DCUN1D4: variants seen among roughly 807,000 people sequenced by gnomAD.
DCUN1D4 encodes the protein DCN1-like protein 4.
DCUN1D4 carries 22 observed loss-of-function variants against 47.9 expected under a neutral mutation model. The ratio of observed to expected loss-of-function variants is 0.46; its 90% CI spans 0.33 to 0.66. DCUN1D4 has a LOEUF of 0.66. Among genes scored for constraint, DCUN1D4 ranks in the 30% least tolerant of loss-of-function variants. DCUN1D4 has a pLI of 0.02. For missense variants in DCUN1D4, 301 were observed against 340.8 expected, an observed-to-expected ratio of 0.88 and a Z score of 0.92; for synonymous variants, 121 against 112.2, an observed-to-expected ratio of 1.08 and a Z score of -0.50.
At chr4:51,890,515 T>C (rs759671947) in intron 6 of DCUN1D4, among the ~76,000 whole-genome samples, 4 of 152,226 alleles carry the variant, frequency 2.6e-5, no homozygotes, top group Non-Finnish European at 4.4e-5. Context: ...AGTGTATACC[T>C]GATCCCTAAT....
intron 8 of DCUN1D4, among the ~76,000 whole-genome samples, chr4:51,902,857 T>C (rs1260255761): frequency 1.3e-5 from 2 of 152,066 alleles, no homozygotes; most frequent in Non-Finnish European, 1.5e-5. Flanking sequence ...CCTTATTAAC[T>C]TTTTTTTCCT....
At chr4:51,896,277 T>C (rs1420780185) in intron 7 of DCUN1D4, among the ~76,000 whole-genome samples, 2 of 152,228 alleles carry the variant, frequency 1.3e-5, no homozygotes, top group Non-Finnish European at 2.9e-5. Context: ...TTGGGCTTGC[T>C]CCCAGGCATG....
At chr4:51,908,556 C>G (rs1397780595) in intron 8 of DCUN1D4, among the ~76,000 whole-genome samples, 1 of 151,714 alleles carries the variant, frequency 6.6e-6, no homozygotes, top group African/African-American at 2.4e-5. Flanking sequence ...TTACAAAGAG[C>G]TTTTGGATGT....
At chr4:51,883,027 T>G (rs1388851051) in intron 5 of DCUN1D4, among the ~76,000 whole-genome samples, 1 of 152,158 alleles carries the variant, frequency 6.6e-6, no homozygotes, top group Non-Finnish European at 1.5e-5. Context: ...CCTAAATACT[T>G]TAGTAGAATG....
upstream of DCUN1D4, among the ~76,000 whole-genome samples, chr4:51,839,495 A>T (rs1721578655): frequency 6.6e-6 from 1 of 152,202 alleles, no homozygotes; most frequent in South Asian, 2.1e-4. Context: ...AGGAAGCATT[A>T]AGAAAGAAGT....
intron 8 of DCUN1D4, among the ~76,000 whole-genome samples, chr4:51,904,221 T>C (rs1732538544): frequency 6.6e-6 from 1 of 152,186 alleles, no homozygotes; most frequent in African/African-American, 2.4e-5. Context: ...TTGGCCCCAC[T>C]ACTAAGGCAA....
At chr4:51,853,418 A>T (rs1482138397) in intron 1 of DCUN1D4, among the ~76,000 whole-genome samples, 2 of 152,090 alleles carry the variant, frequency 1.3e-5, no homozygotes, top group Non-Finnish European at 2.9e-5. Context: ...GCTACTTTCA[A>T]TTCTTTTGGT....
At chr4:51,843,018 G>C (rs1721839891), upstream of DCUN1D4, 3 of 1,342,864 alleles carry the variant, frequency 2.2e-6, no homozygotes, top group Non-Finnish European at 1.9e-6. Flanking sequence ...GCGGGGCCTC[G>C]TTGCCAGCTC....
chr4:51,891,695 T>G, intron 6 of DCUN1D4, 65 bp from the exon 7 acceptor site: 3 of 1,269,906 alleles, frequency 2.4e-6, no homozygotes, highest in Non-Finnish European at 3.3e-6. Flanking sequence ...ATGACAGATC[T>G]ATTTGTTTTT....
chr4:51,844,426 C>T, intron 1 of DCUN1D4: 2 of 973,306 alleles, frequency 2.1e-6, no homozygotes, highest in Non-Finnish European at 2.4e-6. Flanking sequence ...GCTCCGGCAG[C>T]GGGACTAGGA....
chr4:51,897,522 G>T (rs1162918122), intron 7 of DCUN1D4, among the ~76,000 whole-genome samples: 6 of 152,224 alleles, frequency 3.9e-5, no homozygotes, highest in Non-Finnish European at 7.4e-5. Context: ...GGTGAAAATG[G>T]TGACTCTTGA....
At chr4:51,880,169 A>C (rs754488038) in intron 5 of DCUN1D4, among the ~76,000 whole-genome samples, 7 of 152,218 alleles carry the variant, frequency 4.6e-5, no homozygotes, top group African/African-American at 7.2e-5. Context: ...AACCACATAA[A>C]CTGAAACTGT....
At chr4:51,867,247 A>G (rs1467980906) in intron 3 of DCUN1D4, among the ~76,000 whole-genome samples, 2 of 152,220 alleles carry the variant, frequency 1.3e-5, no homozygotes, top group South Asian at 2.1e-4. Flanking sequence ...ACCAGGAACC[A>G]CAGAACCCCA....
intron 1 of DCUN1D4, chr4:51,843,710 T>A: frequency 8.4e-7 from 1 of 1,193,294 alleles, no homozygotes; most frequent in Middle Eastern, 3.1e-4. Context: ...TCCAAAGGGC[T>A]GAGTGGTGCG....
upstream of DCUN1D4, among the ~76,000 whole-genome samples, chr4:51,841,794 G>A (rs770559963): frequency 6.6e-6 from 1 of 151,936 alleles, no homozygotes; most frequent in East Asian, 1.9e-4. Context: ...TCAGAGCCTG[G>A]AAACCCAAAA....
chr4:51,842,277 G>T (rs113746098), upstream of DCUN1D4, among the ~76,000 whole-genome samples: 4 of 152,292 alleles, frequency 2.6e-5, no homozygotes, highest in African/African-American at 9.6e-5. Context: ...TCGTCCATGT[G>T]TTAGGCTCAG....
intron 1 of DCUN1D4, among the ~76,000 whole-genome samples, chr4:51,848,584 TC>T (rs1722905361): frequency 6.6e-6 from 1 of 152,244 alleles, no homozygotes; most frequent in African/African-American, 2.4e-5. Flanking sequence ...TTAATTCTTC[TC>T]ATAGCTTGCT....
At chr4:51,844,186 C>G (rs969260217) in intron 1 of DCUN1D4, among the ~76,000 whole-genome samples, 1 of 149,380 alleles carries the variant, frequency 6.7e-6, no homozygotes, top group Non-Finnish European at 1.5e-5. Flanking sequence ...GGAGGACTGT[C>G]ACGTCCAGAT....
At chr4:51,890,414 G>A (rs945906824) in intron 6 of DCUN1D4, among the ~76,000 whole-genome samples, 1 of 152,162 alleles carries the variant, frequency 6.6e-6, no homozygotes, top group Non-Finnish European at 1.5e-5. Context: ...CAAATTAACT[G>A]CCAGTGTCGG....
Sources: gnomAD v4.1 joint callset for allele counts (sites outside exome capture counted in the v4.1 genomes callset) on GRCh38, gnomAD v4.1.1 for gene constraint, MANE v1.5 for transcripts, NCBI Gene and HGNC (gene_info 2026-07-23, HGNC 2026-07-21) for gene names.